Variants in LRP1B observed in about 807,000 individuals in gnomAD.
The protein encoded by LRP1B is low-density lipoprotein receptor-related protein 1B.
A neutral mutation model predicts 556.6 loss-of-function variants in LRP1B; 217 were observed. The ratio of observed to expected loss-of-function variants is 0.39; its 90% CI spans 0.35 to 0.44. LRP1B has a LOEUF of 0.44. Ranked by LOEUF, LRP1B falls within the 20% of genes least tolerant of loss-of-function variation. The pLI is 1.00. For synonymous variants in LRP1B, 2,047 were observed against 1,865.8 expected (o/e 1.10, Z -2.50); for missense variants, 5,053 against 5,620.8 (o/e 0.90, Z 3.23).
chr2:140,860,271 T>C (rs1692750103), intron 27 of LRP1B, among the ~76,000 whole-genome samples: 1 of 152,298 alleles, frequency 6.6e-6, no homozygotes, highest in South Asian at 2.1e-4. Flanking sequence ...AGTTAGAGTA[T>C]AACTGGTATG....
chr2:140,548,721 G>A lies in LRP1B; in HGVS notation c.7195-6750C>T, dbSNP rs995617841. On this transcript the variant is annotated intron_variant, in intron 43 of 90. Coordinates refer to ENST00000389484, the MANE Select transcript of LRP1B (RefSeq NM_018557.3). The stretch of plus-strand genomic sequence containing the variant: ...GCAGATCACCTGAGGTCAAGAGTTC[G>A]TGACCAGCCTGGCCAACATGGTGAA... 2.6e-5 allele frequency among the ~76,000 whole-genome samples: 4 copies of A among 152,024 alleles called. No individual in the cohort carries two copies. In the East Asian group the frequency reaches 7.8e-4, roughly 29 times the overall value.
At chr2:141,777,468 T>C (rs1695114777) in intron 2 of LRP1B, among the ~76,000 whole-genome samples, 1 of 151,974 alleles carries the variant, frequency 6.6e-6, no homozygotes, top group Non-Finnish European at 1.5e-5. Context: ...CAGGCTGGAG[T>C]ATGGTGGCGC....
At chr2:141,259,857 A>C (rs915646544) in intron 3 of LRP1B, among the ~76,000 whole-genome samples, 132 of 152,194 alleles carry the variant, frequency 8.7e-4, no homozygotes, top group African/African-American at 3.0e-3. Context: ...AAAGTTCTTA[A>C]AATATTGCTG....
At chr2:140,953,258 T>C (rs1695772992) in intron 18 of LRP1B, among the ~76,000 whole-genome samples, 1 of 151,934 alleles carries the variant, frequency 6.6e-6, no homozygotes, top group Non-Finnish European at 1.5e-5. Flanking sequence ...GCAGGCTAAT[T>C]TTTTGTATTT....
At chr2:141,645,162 A>G (rs1689507393) in intron 2 of LRP1B, among the ~76,000 whole-genome samples, 1 of 152,120 alleles carries the variant, frequency 6.6e-6, no homozygotes, top group African/African-American at 2.4e-5. Context: ...CCAAATTTGC[A>G]GTAGGTTGCC....
intron 83 of LRP1B, among the ~76,000 whole-genome samples, chr2:140,306,902 A>G (rs1684091804): frequency 6.6e-6 from 1 of 151,948 alleles, no homozygotes; most frequent in Non-Finnish European, 1.5e-5. Context: ...TTCTGCTTTC[A>G]TTTCGTTATG....
At chr2:140,271,108 G>GA (rs1286681207) in intron 85 of LRP1B, among the ~76,000 whole-genome samples, 1 of 151,860 alleles carries the variant, frequency 6.6e-6, no homozygotes, top group East Asian at 1.9e-4. Context: ...ACAATACTGG[G>GA]AAAAACGCAG....
chr2:141,752,651 GGT>G (rs35485226), intron 2 of LRP1B, among the ~76,000 whole-genome samples: 32 of 149,640 alleles, frequency 2.1e-4, no homozygotes, highest in South Asian at 4.2e-4. Flanking sequence ...AATCTTGGGT[GGT>G]GTGTGTGTGT....
chr2:141,405,484 TG>T (rs1260091234), intron 3 of LRP1B, among the ~76,000 whole-genome samples: 2 of 152,140 alleles, frequency 1.3e-5, no homozygotes, highest in Non-Finnish European at 2.9e-5. Context: ...ATAATTTAGT[TG>T]GTTGCTAGAA....
At chr2:140,409,657 C>T (rs1307314175) in intron 66 of LRP1B, among the ~76,000 whole-genome samples, 1 of 151,738 alleles carries the variant, frequency 6.6e-6, no homozygotes, top group African/African-American at 2.4e-5. Flanking sequence ...TGATTGTTTT[C>T]TCTATGCCAG....
chr2:141,572,637 A>T (rs908311844), intron 2 of LRP1B, among the ~76,000 whole-genome samples: 1 of 152,216 alleles, frequency 6.6e-6, no homozygotes, highest in Non-Finnish European at 1.5e-5. Flanking sequence ...CAGACTGGCA[A>T]ATTGTAAAAG....
intron 7 of LRP1B, among the ~76,000 whole-genome samples, chr2:141,114,852 A>G (rs2104977342): frequency 6.6e-6 from 1 of 151,132 alleles, no homozygotes; most frequent in African/African-American, 2.4e-5. Flanking sequence ...ACACACATAC[A>G]TGTCATGAAA....
intron 3 of LRP1B, among the ~76,000 whole-genome samples, chr2:141,388,635 T>C (rs1184266123): frequency 6.6e-6 from 1 of 152,072 alleles, no homozygotes; most frequent in African/African-American, 2.4e-5. Flanking sequence ...TTCTGCTGAA[T>C]GTTGTACTGA....
chr2:141,660,653 T>G (rs1690179934), intron 2 of LRP1B, among the ~76,000 whole-genome samples: 1 of 151,616 alleles, frequency 6.6e-6, no homozygotes, highest in Non-Finnish European at 1.5e-5. Flanking sequence ...CCAGCCAGAG[T>G]TTTATGGACA....
intron 3 of LRP1B, among the ~76,000 whole-genome samples, chr2:141,435,696 C>G (rs1680738636): frequency 6.6e-6 from 1 of 152,202 alleles, no homozygotes; most frequent in Non-Finnish European, 1.5e-5. Flanking sequence ...TTTGGCTTGC[C>G]TGTCTCATTG....
intron 20 of LRP1B, among the ~76,000 whole-genome samples, chr2:140,939,563 A>C (rs913966710): frequency 1.3e-5 from 2 of 149,276 alleles, no homozygotes; most frequent in Non-Finnish European, 3.0e-5. Context: ...ATACATGCTT[A>C]CTTTTATATT....
chr2:141,993,927 T>C (rs1487781907), intron 1 of LRP1B, among the ~76,000 whole-genome samples: 1 of 152,078 alleles, frequency 6.6e-6, no homozygotes. Context: ...TTTTTTTCTT[T>C]GTCCTCATCT....
chr2:140,442,675 A>G, intron 65 of LRP1B, 52 bp from the exon 66 acceptor site: 1 of 1,572,190 alleles, frequency 6.4e-7, no homozygotes, highest in Non-Finnish European at 8.7e-7. Flanking sequence ...ATATTTATTT[A>G]TTAAAAGCAA....
At chr2:140,724,253 G>A (rs1687512694) in intron 35 of LRP1B, among the ~76,000 whole-genome samples, 1 of 152,184 alleles carries the variant, frequency 6.6e-6, no homozygotes, top group Admixed American at 6.5e-5. Context: ...GGAAGGCCAA[G>A]AAGGGAGGAT....
Sources: gnomAD v4.1 joint callset for allele counts (sites outside exome capture counted in the v4.1 genomes callset) on GRCh38, gnomAD v4.1.1 for gene constraint, MANE v1.5 for transcripts, NCBI Gene and HGNC (gene_info 2026-07-23, HGNC 2026-07-21) for gene names.